Variants in CDH3 observed in about 807,000 individuals in gnomAD.
CDH3 encodes cadherin 3.
CDH3 carries 54 observed loss-of-function variants against 82.0 expected under a neutral mutation model. That is an observed-to-expected ratio of 0.66 (90% CI 0.53 to 0.83). The LOEUF (loss-of-function observed/expected upper bound fraction) is 0.83. CDH3 is among the 40% of genes least tolerant of loss of function. CDH3 has a pLI of 0.00. For missense variants in CDH3, 1,054 were observed against 1,084.6 expected, an observed-to-expected ratio of 0.97 and a Z score of 0.40; for synonymous variants, 446 against 437.9, an observed-to-expected ratio of 1.02 and a Z score of -0.23.
rs1177157686 is a variant in CDH3 at position 68,651,895 on chromosome 16, G to A, written c.160+6145G>A. 4.6e-5 allele frequency: 20 copies of A among 439,270 alleles called. No individual in the cohort carries two copies. The East Asian group carries it at 6.1e-4, about 13-fold the overall frequency. 27.2% of individuals were successfully genotyped at this position (439,270 alleles called of 1,614,324 possible). Reference sequence around the variant, plus strand: ...TGGGGGTCATATCTGGACAGGAGCCGGTTCTTGACCTCGGCGGAGAGCCAG... The same window carrying A: ...TGGGGGTCATATCTGGACAGGAGCCAGTTCTTGACCTCGGCGGAGAGCCAG... On this transcript the variant is annotated intron_variant, in intron 2 of 15. Coordinates refer to ENST00000264012, the MANE Select transcript of CDH3 (RefSeq NM_001793.6).
chr16:68,688,680 G>A (rs1042224024), intron 12 of CDH3, among the ~76,000 whole-genome samples: 11 of 152,122 alleles, frequency 7.2e-5, no homozygotes, highest in African/African-American at 1.9e-4. Flanking sequence ...AGACTGGAGT[G>A]CAGTGGCACA....
At chr16:68,679,482 C>G (rs3114399) in intron 6 of CDH3, among the ~76,000 whole-genome samples, 29,332 of 151,956 alleles carry the variant, frequency 0.19, 3,468 homozygotes, top group Admixed American at 0.27. Flanking sequence ...CACTTGAGAT[C>G]AGGAGTTTAA....
At chr16:68,670,211 A>C (rs1050696539) in intron 2 of CDH3, among the ~76,000 whole-genome samples, 12 of 133,652 alleles carry the variant, frequency 9.0e-5, no homozygotes, top group Non-Finnish European at 1.8e-4. Context: ...GCAACAGAGC[A>C]AGACTCTGTC....
chr16:68,692,867 G>T (rs1961613962), intron 13 of CDH3, among the ~76,000 whole-genome samples: 2 of 152,230 alleles, frequency 1.3e-5, no homozygotes, highest in Admixed American at 1.3e-4. Context: ...CACTTTGGGA[G>T]GCCAAGGTGG....
chr16:68,721,297 G>A (rs1036135921), intron 1 of CDH3, among the ~76,000 whole-genome samples: 74 of 139,778 alleles, frequency 5.3e-4, no homozygotes, highest in Non-Finnish European at 1.8e-4. Context: ...GCAGTAGCAC[G>A]ATCTCGGCTC....
intron 2 of CDH3, among the ~76,000 whole-genome samples, chr16:68,652,791 C>T (rs537281925): frequency 6.6e-6 from 1 of 152,288 alleles, no homozygotes; most frequent in Admixed American, 6.5e-5. Flanking sequence ...TGCATTTGAA[C>T]TTTCTGTAAG....
rs796844820 is a variant in CDH3 at position 68,674,399 on chromosome 16, T to C, written c.161-1986T>C. Among the ~76,000 whole-genome samples, 7 of 152,198 alleles carry C rather than the reference T, an allele frequency of 4.6e-5. No individual in the cohort carries two copies. In the South Asian group the frequency reaches 6.2e-4, roughly 13 times the overall value. Reference sequence around the variant, plus strand: ...ATTGGGTTTTGTTGTTGTTGAGTTTTATGAATTCTTTACATATTCTGGATA... The same window carrying C: ...ATTGGGTTTTGTTGTTGTTGAGTTTCATGAATTCTTTACATATTCTGGATA... On this transcript the variant is annotated intron_variant, in intron 2 of 15. Transcript: ENST00000264012.
chr16:68,654,082 T>TG (rs1172673405), intron 2 of CDH3, among the ~76,000 whole-genome samples: 6 of 143,768 alleles, frequency 4.2e-5, no homozygotes, highest in South Asian at 2.2e-4. Context: ...TTTTTTGAGA[T>TG]GGAGTCTCAC....
intron 15 of CDH3, 195 bp downstream of exon 15, chr16:68,696,118 T>C: frequency 1.5e-6 from 1 of 667,382 alleles, no homozygotes; most frequent in Admixed American, 2.1e-5. Flanking sequence ...ACTTGCAGAG[T>C]GGTTAAAAAT....
chr16:68,674,777 T>C (rs1347704287), intron 2 of CDH3, among the ~76,000 whole-genome samples: 1 of 152,194 alleles, frequency 6.6e-6, no homozygotes, highest in African/African-American at 2.4e-5. Flanking sequence ...TCTTATATAC[T>C]ATGTGAATAC....
At chr16:68,722,735 T>G (rs1597831503) in intron 2 of CDH3, 1 of 152,234 alleles carries the variant, frequency 6.6e-6, no homozygotes, top group Admixed American at 6.6e-5. Flanking sequence ...GCACCGGGTT[T>G]GTTGGGTCAT....
intron 11 of CDH3, among the ~76,000 whole-genome samples, chr16:68,686,124 T>C (rs1961404358): frequency 6.6e-6 from 1 of 152,286 alleles, no homozygotes; most frequent in Admixed American, 6.5e-5. Flanking sequence ...TAGACCAGCC[T>C]GGCCAACATG....
intron 2 of CDH3, among the ~76,000 whole-genome samples, chr16:68,656,904 A>T (rs1960422439): frequency 6.6e-6 from 1 of 152,156 alleles, no homozygotes; most frequent in Non-Finnish European, 1.5e-5. Context: ...GGGTTCAGAT[A>T]CCAGGTCTGA....
chr16:68,722,272 T>C (rs761300497), intron 1 of CDH3, among the ~76,000 whole-genome samples: 6 of 152,048 alleles, frequency 3.9e-5, no homozygotes, highest in Non-Finnish European at 8.8e-5. Flanking sequence ...TGAGTGTTTA[T>C]TGAATGAATG....
At chr16:68,716,857 G>A (rs1268467971) in intron 1 of CDH3, among the ~76,000 whole-genome samples, 1 of 151,402 alleles carries the variant, frequency 6.6e-6, no homozygotes, top group African/African-American at 2.4e-5. Flanking sequence ...CCAAGTAACT[G>A]GGACTACAGG....
chr16:68,704,303 G>A (rs9923384), downstream of CDH3, among the ~76,000 whole-genome samples: 38,205 of 151,378 alleles, frequency 0.25, 4,947 homozygotes, highest in Admixed American at 0.29. Flanking sequence ...AAAAAAAAAG[G>A]GTTAATATCT....
At chr16:68,658,887 T>G (rs899236287) in intron 2 of CDH3, among the ~76,000 whole-genome samples, 3 of 152,164 alleles carry the variant, frequency 2.0e-5, no homozygotes, top group Admixed American at 2.0e-4. Context: ...TGGGGAGCTT[T>G]TTATTTTTTT....
In CDH3 at chr16:68,684,723, C is replaced by T; in HGVS notation, c.1323C>T (p.Val441=). The T allele has an allele frequency of 6.2e-7, 1 of 1,614,182 alleles. No homozygotes were observed. Among genetic ancestry groups the T allele is most frequent in the Non-Finnish European group, 8.5e-7 (1 of 1,180,034 alleles). ...VEDVNEAPVF[V]PPSKVVEVQE... Reference sequence around the variant, plus strand: ...ATGTGAATGAGGCACCTGTGTTTGTCCCACCCTCCAAAGTCGTTGAGGTCC... The same window carrying T: ...ATGTGAATGAGGCACCTGTGTTTGTTCCACCCTCCAAAGTCGTTGAGGTCC... The change falls in exon 10 of 16, where the codon GTC becomes GTT. Residue 441 remains valine (V), a synonymous_variant. Coordinates refer to ENST00000264012, the MANE Select transcript of CDH3 (RefSeq NM_001793.6).
chr16:68,723,740 T>C (rs868070273), intron 2 of CDH3, among the ~76,000 whole-genome samples: 1 of 151,712 alleles, frequency 6.6e-6, no homozygotes. Flanking sequence ...CTGGCCAACA[T>C]AGCAAAACCC....
Sources: gnomAD v4.1 joint callset for allele counts (sites outside exome capture counted in the v4.1 genomes callset) on GRCh38, gnomAD v4.1.1 for gene constraint, MANE v1.5 for transcripts, NCBI Gene and HGNC (gene_info 2026-07-23, HGNC 2026-07-21) for gene names.